MKKS: variants seen among roughly 807,000 people sequenced by gnomAD.
MKKS encodes molecular chaperone MKKS.
MKKS carries 29 observed loss-of-function variants against 33.2 expected under a neutral mutation model. The observed-to-expected ratio is 0.87, with a 90% CI of 0.65 to 1.19. MKKS has a LOEUF of 1.19. MKKS is among the 50% of genes most tolerant of loss of function. The pLI is 0.00. For missense variants in MKKS, 661 were observed against 662.3 expected (o/e 1.00, Z 0.02); for synonymous variants, 260 against 244.0 (o/e 1.07, Z -0.61).
intron 1 of MKKS, among the ~76,000 whole-genome samples, chr20:10,422,488 T>A (rs1293678057): frequency 1.3e-5 from 2 of 152,010 alleles, no homozygotes; most frequent in African/African-American, 4.8e-5. Flanking sequence ...GGGGGAGGAA[T>A]TTAGAGTAAG....
At chr20:10,410,074 AT>A (rs1413927763) in intron 3 of MKKS, among the ~76,000 whole-genome samples, 7 of 150,024 alleles carry the variant, frequency 4.7e-5, no homozygotes, top group East Asian at 2.0e-4. Flanking sequence ...AATTTCACTT[AT>A]TTGAATATTG....
At position 10,405,653 on chromosome 20, in the gene MKKS, T is replaced by A. The variant is rs746696111; in HGVS notation, c.1307A>T (p.Asp436Val). The change falls in exon 6 of 6, where the codon GAT becomes GTT. Residue 436 changes from aspartate to valine, a missense_variant. Transcript: ENST00000347364. ...TTGAAGTTCTGTTTGAGTACATTCATCATCTTTGAGAATGCTTTCTGGGTC... is the reference window on the plus strand; with the variant it reads ...TTGAAGTTCTGTTTGAGTACATTCAACATCTTTGAGAATGCTTTCTGGGTC... ...HNDPESILKD[D>V]ECTQTELQLI... 5.6e-6 allele frequency: 9 copies of A among 1,613,996 alleles called. No homozygotes were observed. The East Asian group carries it at 1.1e-4, about 20-fold the overall frequency.
intron 1 of MKKS, among the ~76,000 whole-genome samples, chr20:10,429,248 G>C (rs73072840): frequency 0.024 from 3,612 of 152,160 alleles, 66 homozygotes; most frequent in Non-Finnish European, 0.041. Flanking sequence ...TCTCCCTGTA[G>C]CCTTTTGATG....
In MKKS at chr20:10,425,274, G is replaced by A. The variant is rs16991559; in HGVS notation, c.-648-4516C>T. 6.3e-3 allele frequency among the ~76,000 whole-genome samples: 965 copies of A among 152,250 alleles called. 7 individuals are homozygous for A. The highest frequency in any genetic ancestry group is 0.02 in the Middle Eastern group (6 of 294). On this transcript the variant is annotated intron_variant, in intron 1 of 5. Coordinates refer to ENST00000347364, the MANE Select transcript of MKKS (RefSeq NM_170784.3). ...CATTATCATTTTTAAGAGCTATACA[G>A]CATTTGATTATAATGGCGATATCCT...
chr20:10,410,227 C>A (rs1237015713), intron 3 of MKKS, among the ~76,000 whole-genome samples: 2 of 152,128 alleles, frequency 1.3e-5, no homozygotes, highest in East Asian at 3.9e-4. Flanking sequence ...TGCTTATCAG[C>A]CACTGGATGC....
Position 10,405,523 on chromosome 20 carries a change from T to G in MKKS, c.1437A>C (p.Ser479=), listed in dbSNP as rs373073560. ...CAACACAGGGAGAATCTGCCTGAAC[T>G]GACCAAAGGTGTCCATACTTCATGT... ...LTDMKYGHLW[S]VQADSPCVAN... Residue 479 remains serine, a synonymous_variant, in exon 6 of 6, where the codon TCA becomes TCC. Coordinates refer to ENST00000347364, the MANE Select transcript of MKKS (RefSeq NM_170784.3). 1.9e-6 allele frequency: 3 copies of G among 1,614,102 alleles called. No homozygotes were observed. The highest frequency in any genetic ancestry group is 2.7e-5 in the African/African-American group (2 of 74,944).
At chr20:10,417,492 T>C (rs1185608851) in intron 2 of MKKS, among the ~76,000 whole-genome samples, 1 of 152,158 alleles carries the variant, frequency 6.6e-6, no homozygotes, top group African/African-American at 2.4e-5. Flanking sequence ...ATGCCTATAG[T>C]CCCAGCTACT....
chr20:10,425,904 T>C (rs913369838), intron 1 of MKKS, among the ~76,000 whole-genome samples: 9 of 152,158 alleles, frequency 5.9e-5, no homozygotes, highest in African/African-American at 2.2e-4. Flanking sequence ...TTTAGAAGGA[T>C]AGAGAAATCA....
chr20:10,413,921 T>C lies in MKKS; in HGVS notation c.-407A>G, dbSNP rs903831404. On this transcript the variant is annotated 5_prime_UTR_variant, in exon 3 of 6. Transcript: ENST00000347364. ...TCGATATGAAGCTCAGATTCAAAGC[T>C]GCTTCTTTACCTAATAAATAATAAA... is the stretch of plus-strand genomic sequence containing the variant. The C allele has an allele frequency of 1.7e-5, 7 of 414,534 alleles. No homozygotes were observed. The highest frequency in any genetic ancestry group is 2.6e-5 in the Non-Finnish European group (6 of 234,956). The allele number at this position is 414,534 out of a possible 1,614,324, so 25.7% of individuals were successfully genotyped here.
intron 1 of MKKS, among the ~76,000 whole-genome samples, chr20:10,429,759 G>A (rs535928469): frequency 2.6e-5 from 4 of 152,170 alleles, no homozygotes; most frequent in South Asian, 2.1e-4. Context: ...AGACCCTCGC[G>A]CCCTCACATG....
rs139903158 is a variant in MKKS, at chr20:10,408,757, A to G, written c.1032T>C (p.Tyr344=). ...CAGTGCACACATCTTTCACACTTCC[A>G]TAACTATTAGGACATATTGAGCCTA... The part of the protein sequence containing the change: ...GSLGSICPNS[Y]GSVKDVCTAK... Residue 344 remains tyrosine (Y), a synonymous_variant, in exon 4 of 6, where the codon TAT becomes TAC. Coordinates refer to ENST00000347364, the MANE Select transcript of MKKS (RefSeq NM_170784.3). The G allele has an allele frequency of 6.2e-6, 10 of 1,613,804 alleles. No homozygotes were observed. The highest frequency in any genetic ancestry group is 1.7e-5 in the Admixed American group (1 of 59,992).
chr20:10,423,716 T>C (rs1277823190), intron 1 of MKKS, among the ~76,000 whole-genome samples: 2 of 152,196 alleles, frequency 1.3e-5, no homozygotes, highest in African/African-American at 4.8e-5. Context: ...CAATTTTATG[T>C]ATATTGTGCT....
Position 10,407,650 on chromosome 20 carries a change from G to A in MKKS, c.1238C>T (p.Thr413Ile), listed in dbSNP as rs1407355889. Residue 413 changes from threonine (T) to isoleucine (I), a missense_variant, in exon 5 of 6, where the codon ACT (threonine) becomes ATT (isoleucine). Physicochemically the swap from Thr to Ile is moderately conservative, Grantham distance 89 (BLOSUM62 -1). Transcript: ENST00000347364. ...GATATATGCAGCCAAATGAGTTTCA[G>A]TACAGCCACCTCCCAACAAAGCCCA... Reference protein sequence around the residue: ...EPWALLGGGCTETHLAAYIRH... With the variant: ...EPWALLGGGCIETHLAAYIRH... The A allele has an allele frequency of 6.2e-7, 1 of 1,613,878 alleles. No individual in the cohort carries two copies.
In MKKS at chr20:10,413,640, T is replaced by G; in HGVS notation, c.-126A>C. 1 of 1,070,412 alleles carries G rather than the reference T, an allele frequency of 9.3e-7. No homozygotes were observed. Among genetic ancestry groups the G allele is most frequent in the Non-Finnish European group, 1.4e-6 (1 of 724,312 alleles). The allele number at this position is 1,070,412 out of a possible 1,614,324, so 66.3% of individuals were successfully genotyped here. On this transcript the variant is annotated 5_prime_UTR_variant, in exon 3 of 6. An upstream start codon of the reference 5' UTR is lost. Transcript: ENST00000347364. ...GGAATTAAAGTATGAATATGCAGCA[T>G]TGTGGCTATAAAATCAAAAAGTTCA...
intron 1 of MKKS, among the ~76,000 whole-genome samples, chr20:10,430,399 G>A (rs1303841895): frequency 6.7e-6 from 1 of 148,442 alleles, no homozygotes; most frequent in Admixed American, 6.9e-5. Context: ...AGCTTGCTGT[G>A]CAGTTATCAC....
In MKKS at chr20:10,422,768, G is replaced by A. The variant is rs187179566; in HGVS notation, c.-648-2010C>T. 3.3e-5 allele frequency among the ~76,000 whole-genome samples: 5 copies of A among 150,424 alleles called. No individual in the cohort carries two copies. In the East Asian group the frequency reaches 9.8e-4, roughly 30 times the overall value. On this transcript the variant is annotated intron_variant, in intron 1 of 5. Transcript: ENST00000347364. ...GCTCTGTCACCCAAGCTGTAGTGCA[G>A]TGGTGCGATCTCAGCTCACTGCAAG...
In MKKS at chr20:10,413,464, C is replaced by T. The variant is rs553823006; in HGVS notation, c.51G>A (p.Leu17=). 3 of 1,614,132 alleles carry T rather than the reference C, an allele frequency of 1.9e-6. No individual in the cohort carries two copies. Among genetic ancestry groups the T allele is most frequent in the East Asian group, 4.5e-5 (2 of 44,884 alleles). ...GTGTGGTCCTGACTCTCTCAGTTGT[C>T]AGTGGTTCACTCTTACACAATGATG... ...KKPSLCKSEP[L]TTERVRTTLS... Residue 17 remains leucine, a synonymous_variant, in exon 3 of 6, where the codon CTG becomes CTA. Coordinates refer to ENST00000347364, the MANE Select transcript of MKKS (RefSeq NM_170784.3).
intron 2 of MKKS, among the ~76,000 whole-genome samples, chr20:10,415,809 G>A (rs1027729126): frequency 3.6e-4 from 55 of 152,284 alleles, no homozygotes; most frequent in African/African-American, 1.3e-3. Context: ...TGGCACCTCT[G>A]TCAGTCTTAC....
intron 2 of MKKS, among the ~76,000 whole-genome samples, chr20:10,418,034 C>A (rs944132923): frequency 2.0e-5 from 3 of 152,098 alleles, no homozygotes; most frequent in Non-Finnish European, 4.4e-5. Context: ...TTTTTATAGA[C>A]AAATTCAGAA....
Sources: allele counts gnomAD v4.1 joint callset (sites outside exome capture counted in the v4.1 genomes callset), GRCh38; gene constraint gnomAD v4.1.1; transcripts MANE v1.5; gene names NCBI Gene and HGNC (gene_info 2026-07-23, HGNC 2026-07-21).